Variants in RSRC1 observed in about 807,000 individuals in gnomAD.
The protein encoded by RSRC1 is arginine and serine rich coiled-coil 1, also known as serine/Arginine-related protein 53.
Under a neutral mutation model 49.1 loss-of-function variants are expected in RSRC1, and 39 were observed. That is an observed-to-expected ratio of 0.79 (90% CI 0.61 to 1.04). The LOEUF is 1.04. Ranked by LOEUF, RSRC1 falls within the 50% of genes least tolerant of loss-of-function variation. RSRC1 has a pLI of 0.00. For missense variants in RSRC1, 388 were observed against 402.4 expected (o/e 0.96, Z 0.31); for synonymous variants, 143 against 130.8 (o/e 1.09, Z -0.63).
intron 6 of RSRC1, among the ~76,000 whole-genome samples, chr3:158,444,182 A>C (rs1240447066): frequency 2.0e-5 from 3 of 152,186 alleles, no homozygotes; most frequent in Admixed American, 1.3e-4. Context: ...GGAGCCAAAA[A>C]TGAGCCCACA....
chr3:158,438,196 A>G (rs1425635036), intron 6 of RSRC1, among the ~76,000 whole-genome samples: 1 of 152,210 alleles, frequency 6.6e-6, no homozygotes, highest in East Asian at 1.9e-4. Context: ...AGAATATTTC[A>G]TGCTCATGGA....
intron 6 of RSRC1, among the ~76,000 whole-genome samples, chr3:158,415,659 G>A (rs12491983): frequency 0.13 from 20,487 of 152,008 alleles, 1,501 homozygotes; most frequent in Middle Eastern, 0.2. Context: ...ATAGTGCTAT[G>A]TGAGTCAATT....
At chr3:158,296,228 CAG>C (rs1727230771) in intron 4 of RSRC1, among the ~76,000 whole-genome samples, 1 of 151,996 alleles carries the variant, frequency 6.6e-6, no homozygotes, top group African/African-American at 2.4e-5. Context: ...TTATATAGCA[CAG>C]ACTCTAAGAT....
intron 6 of RSRC1, among the ~76,000 whole-genome samples, chr3:158,414,687 A>G (rs914966401): frequency 1.3e-5 from 2 of 152,094 alleles, no homozygotes; most frequent in East Asian, 3.9e-4. Context: ...ATGCCACTGC[A>G]CTCCAACCTG....
At chr3:158,158,778 A>G (rs1578145441) in intron 3 of RSRC1, among the ~76,000 whole-genome samples, 1 of 152,094 alleles carries the variant, frequency 6.6e-6, no homozygotes, top group East Asian at 1.9e-4. Context: ...CATCTCCACT[A>G]AAAATACAAA....
intron 6 of RSRC1, among the ~76,000 whole-genome samples, chr3:158,411,071 G>A (rs938626591): frequency 6.6e-6 from 1 of 152,068 alleles, no homozygotes; most frequent in Non-Finnish European, 1.5e-5. Flanking sequence ...TTCTCTGGGT[G>A]TTCTGTTTCT....
At chr3:158,204,603 G>A (rs1429685834) in intron 4 of RSRC1, among the ~76,000 whole-genome samples, 1 of 152,144 alleles carries the variant, frequency 6.6e-6, no homozygotes, top group South Asian at 2.1e-4. Flanking sequence ...AAAGTCAGTA[G>A]GATGATAAAT....
At chr3:158,340,620 T>C (rs1218382823) in intron 5 of RSRC1, among the ~76,000 whole-genome samples, 1 of 152,178 alleles carries the variant, frequency 6.6e-6, no homozygotes, top group African/African-American at 2.4e-5. Flanking sequence ...TCCCCAGCCA[T>C]GTGGAACTGT....
At chr3:158,345,141 C>T (rs1401947471) in intron 5 of RSRC1, among the ~76,000 whole-genome samples, 1 of 151,552 alleles carries the variant, frequency 6.6e-6, no homozygotes, top group African/African-American at 2.4e-5. Flanking sequence ...GGCAGAGAAT[C>T]ACTTGAACCC....
At chr3:158,229,352 AT>A (rs1299821902) in intron 4 of RSRC1, among the ~76,000 whole-genome samples, 12,858 of 122,462 alleles carry the variant, frequency 0.1, 2,197 homozygotes, top group East Asian at 0.28. Flanking sequence ...ATGTATATAT[AT>A]ACACATATAC....
At chr3:158,362,093 C>G (rs948083350) in intron 6 of RSRC1, among the ~76,000 whole-genome samples, 4 of 152,188 alleles carry the variant, frequency 2.6e-5, no homozygotes, top group Admixed American at 2.6e-4. Context: ...AATCCCAGCA[C>G]TGTAGGAGGC....
intron 6 of RSRC1, among the ~76,000 whole-genome samples, chr3:158,412,799 A>T (rs1488576797): frequency 2.0e-5 from 3 of 152,204 alleles, no homozygotes; most frequent in African/African-American, 7.2e-5. Context: ...CAAAAACTTT[A>T]AAAAGTTTCG....
At chr3:158,280,244 C>T (rs561579403) in intron 4 of RSRC1, among the ~76,000 whole-genome samples, 24 of 152,156 alleles carry the variant, frequency 1.6e-4, no homozygotes, top group Admixed American at 1.3e-3. Flanking sequence ...CTGTAGCGAG[C>T]GAGCATGACA....
At chr3:158,298,700 C>T (rs1206320283) in intron 5 of RSRC1, among the ~76,000 whole-genome samples, 1 of 151,958 alleles carries the variant, frequency 6.6e-6, no homozygotes. Context: ...TTCATTGAGC[C>T]CACTGTATTG....
At chr3:158,424,088 G>GATT (rs1368973973) in intron 6 of RSRC1, among the ~76,000 whole-genome samples, 1 of 151,878 alleles carries the variant, frequency 6.6e-6, no homozygotes, top group African/African-American at 2.4e-5. Context: ...TAATTGCCCT[G>GATT]GCCAGAACTT....
chr3:158,453,921 C>T (rs752078765), intron 6 of RSRC1, among the ~76,000 whole-genome samples: 12 of 151,926 alleles, frequency 7.9e-5, no homozygotes, highest in Non-Finnish European at 1.8e-4. Flanking sequence ...AAAGGCTTGT[C>T]TATTTTTGAG....
intron 4 of RSRC1, among the ~76,000 whole-genome samples, chr3:158,230,996 C>T (rs910532969): frequency 6.6e-6 from 1 of 152,222 alleles, no homozygotes; most frequent in Non-Finnish European, 1.5e-5. Context: ...CTTTTAAAGT[C>T]CTTGACACAA....
At chr3:158,517,864 A>G (rs1740662146) in intron 7 of RSRC1, among the ~76,000 whole-genome samples, 2 of 140,330 alleles carry the variant, frequency 1.4e-5, no homozygotes, top group South Asian at 4.5e-4. Context: ...TCTGCTTCGC[A>G]AAGTGAGGAT....
intron 7 of RSRC1, among the ~76,000 whole-genome samples, chr3:158,470,282 T>C (rs1280581489): frequency 1.3e-5 from 2 of 150,410 alleles, no homozygotes; most frequent in East Asian, 3.9e-4. Flanking sequence ...TTATTGAAAA[T>C]TTTATGGAAA....
Sources: allele counts gnomAD v4.1 joint callset (sites outside exome capture counted in the v4.1 genomes callset), GRCh38; gene constraint gnomAD v4.1.1; transcripts MANE v1.5; gene names NCBI Gene and HGNC (gene_info 2026-07-23, HGNC 2026-07-21).